Variants in SLC38A2 observed in about 807,000 individuals in gnomAD.
SLC38A2 encodes the protein sodium-coupled neutral amino acid symporter 2.
In SLC38A2, 11 loss-of-function variants were observed where a neutral mutation model predicts 61.5. That is an observed-to-expected ratio of 0.18 (90% CI 0.11 to 0.30). SLC38A2 has a LOEUF of 0.30. Ranked by LOEUF, SLC38A2 falls within the 10% of genes least tolerant of loss-of-function variation. The probability of loss-of-function intolerance (pLI) is 1.00; values close to 1 mark genes in which losing one functional copy is unlikely to be tolerated. For synonymous variants in SLC38A2, 217 were observed against 212.5 expected (o/e 1.02, Z -0.18); for missense variants, 522 against 600.4 (o/e 0.87, Z 1.36).
At chr12:46,364,298 T>G in intron 10 of SLC38A2, 91 bp downstream of exon 10, 1 of 1,313,004 alleles carries the variant, frequency 7.6e-7, no homozygotes, top group East Asian at 2.4e-5. Flanking sequence ...ATAAAGCACC[T>G]ATTATCCTCC....
At chr12:46,371,787 C>T (rs2120578768) in intron 1 of SLC38A2, among the ~76,000 whole-genome samples, 2 of 152,340 alleles carry the variant, frequency 1.3e-5, no homozygotes, top group Middle Eastern at 6.8e-3. Context: ...CTTTCCGTTT[C>T]TAGCATTTGG....
At chr12:46,363,308 T>C (rs1943103636) in intron 12 of SLC38A2, among the ~76,000 whole-genome samples, 163 bp from the exon 13 acceptor site, 1 of 152,100 alleles carries the variant, frequency 6.6e-6, no homozygotes, top group East Asian at 1.9e-4. Context: ...GCAATTAAAG[T>C]AACATTGAAG....
At chr12:46,364,797 A>C in intron 8 of SLC38A2, 95 bp from the exon 9 acceptor site, 1 of 1,249,590 alleles carries the variant, frequency 8.0e-7, no homozygotes, top group Non-Finnish European at 1.1e-6. Context: ...TCTGCTGGGA[A>C]GACTTTAGGC....
rs367799088 is a variant in SLC38A2 at position 46,367,231 on chromosome 12, T to C, written c.388+36A>G. 117 of 1,577,630 alleles carry C rather than the reference T, an allele frequency of 7.4e-5. 1 individual carries two copies. The African/African-American group carries it at 1.3e-3, about 17-fold the overall frequency. On this transcript the variant is annotated intron_variant, in intron 5 of 15. Coordinates refer to ENST00000256689, the MANE Select transcript of SLC38A2 (RefSeq NM_018976.5). Reference sequence around the variant, plus strand: ...TAAAAGAGAAATAAAATGATAGGTATACATTGTTTTAGAAAAATCAAGAAT... The same window carrying C: ...TAAAAGAGAAATAAAATGATAGGTACACATTGTTTTAGAAAAATCAAGAAT...
intron 15 of SLC38A2, 41 bp downstream of exon 15, chr12:46,362,243 T>C (rs750447826): frequency 3.5e-6 from 5 of 1,433,124 alleles, no homozygotes; most frequent in Non-Finnish European, 3.8e-6. Flanking sequence ...GGGAAATTTA[T>C]GATATTATTA....
rs971968142 is a variant in SLC38A2, at chr12:46,360,210, T to C, written c.*901A>G. On this transcript the variant is annotated 3_prime_UTR_variant, in exon 16 of 16. Coordinates refer to ENST00000256689, the MANE Select transcript of SLC38A2 (RefSeq NM_018976.5). The stretch of plus-strand genomic sequence containing the variant: ...ACTGAATAAACCCTGTTTTACCCAA[T>C]TGCACTATTTGGTACCTCAAAATTA... 6.6e-6 allele frequency: 1 copy of C among 152,648 alleles called. No individual in the cohort carries two copies. Among genetic ancestry groups the C allele is most frequent in the African/African-American group, 2.4e-5 (1 of 41,456 alleles). 9.5% of individuals were successfully genotyped at this position (152,648 alleles called of 1,614,324 possible). A position where few individuals can be genotyped will look rare whatever the true frequency, so the allele number is the denominator to read the frequency against.
intron 7 of SLC38A2, 124 bp from the exon 8 acceptor site, chr12:46,365,313 GAA>G: frequency 1.2e-6 from 1 of 810,462 alleles, no homozygotes; most frequent in South Asian, 1.5e-5. Context: ...GACATGTTTG[GAA>G]AAAGTTTCCC....
chr12:46,364,706 T>A lies in SLC38A2; in HGVS notation c.647-4A>T. 6.2e-7 allele frequency: 1 copy of A among 1,604,532 alleles called. No homozygotes were observed. The highest frequency in any genetic ancestry group is 8.5e-7 in the Non-Finnish European group (1 of 1,176,114). On this transcript the variant is annotated splice_region_variant and splice_polypyrimidine_tract_variant and intron_variant, in intron 8 of 15. Coordinates refer to ENST00000256689, the MANE Select transcript of SLC38A2 (RefSeq NM_018976.5). ...CCACTGGTATATCCCAAATATCCTA[T>A]AAGGAGGGGTGGCAGGAATCAGTAT...
At position 46,364,681 on chromosome 12, in the gene SLC38A2, C is replaced by A; in HGVS notation, c.668G>T (p.Gly223Val). The A allele has an allele frequency of 6.2e-7, 1 of 1,610,660 alleles. No individual in the cohort carries two copies. Among genetic ancestry groups the A allele is most frequent in the Non-Finnish European group, 8.5e-7 (1 of 1,178,560 alleles). The change falls in exon 9 of 16, where the codon GGC becomes GTC. Residue 223 changes from glycine to valine, a missense_variant. Physicochemically the swap from Gly to Val is moderately radical, Grantham distance 109. Transcript: ENST00000256689. The stretch of plus-strand genomic sequence containing the variant: ...GAACACCATACACAACAAGGAAAGG[C>A]CACTGGTATATCCCAAATATCCTAT... Reference protein sequence around the residue: ...RNLGYLGYTSGLSLLCMVFFL... With the variant: ...RNLGYLGYTSVLSLLCMVFFL...
Position 46,367,307 on chromosome 12 carries a change from C to G in SLC38A2, c.348G>C (p.Leu116=), listed in dbSNP as rs1487392178. The change falls in exon 5 of 16, where the codon CTG becomes CTC. Residue 116 remains leucine, a synonymous_variant. Transcript: ENST00000256689. ...ILLTFVSIFS[L]YSVHLLLKTA... is the part of the protein sequence containing the mutation. The stretch of plus-strand genomic sequence containing the variant: ...TCTTCAAAAGGAGATGAACAGAATA[C>G]AGGGAAAATATTGACACAAATGTCA... 6.2e-7 allele frequency: 1 copy of G among 1,600,544 alleles called. No individual in the cohort carries two copies. The highest frequency in any genetic ancestry group is 1.7e-5 in the Admixed American group (1 of 59,940).
intron 12 of SLC38A2, 60 bp downstream of exon 12, chr12:46,363,666 A>G: frequency 1.8e-6 from 2 of 1,113,222 alleles, no homozygotes; most frequent in East Asian, 2.4e-5. Context: ...TAGCAGCTTC[A>G]TTTCAATAAG....
intron 10 of SLC38A2, 106 bp from the exon 11 acceptor site, chr12:46,364,109 T>C (rs1390914816): frequency 8.5e-6 from 9 of 1,053,098 alleles, no homozygotes; most frequent in Non-Finnish European, 1.2e-5. Flanking sequence ...AAAGCCTAAG[T>C]TTCCTTTGTG....
At chr12:46,362,690 T>C in intron 13 of SLC38A2, 52 bp from the exon 14 acceptor site, 1 of 1,522,510 alleles carries the variant, frequency 6.6e-7, no homozygotes, top group East Asian at 2.5e-5. Context: ...AATATAAAAT[T>C]TAAAAATCCA....
intron 13 of SLC38A2, 53 bp from the exon 14 acceptor site, chr12:46,362,691 T>C: frequency 6.6e-7 from 1 of 1,519,980 alleles, no homozygotes; most frequent in Non-Finnish European, 8.7e-7. Flanking sequence ...ATATAAAATT[T>C]AAAAATCCAG....
At chr12:46,371,531 C>T (rs2120576829) in intron 1 of SLC38A2, 152 bp from the exon 2 acceptor site, 1 of 494,576 alleles carries the variant, frequency 2.0e-6, no homozygotes, top group East Asian at 3.8e-5. Flanking sequence ...CGCCGAGGGG[C>T]GGAAAAGTAC....
chr12:46,364,408 TAGTG>T lies in SLC38A2; in HGVS notation c.850_853del (p.His284IlefsTer15). 2 of 1,584,844 alleles carry T rather than the reference TAGTG, an allele frequency of 1.3e-6. No individual in the cohort carries two copies. The highest frequency in any genetic ancestry group is 1.7e-6 in the Non-Finnish European group (2 of 1,171,746). ...AGTTACCTGTGAGTTGAAAATAAAA[TAGTG>T]AGGTCTGCAAGAGTCATTTTCAGTC... On this transcript the variant is annotated frameshift_variant, in exon 10 of 16. Coordinates refer to ENST00000256689, the MANE Select transcript of SLC38A2 (RefSeq NM_018976.5). LOFTEE classifies it high-confidence loss of function.
chr12:46,368,634 G>A (rs1943163679), intron 4 of SLC38A2, among the ~76,000 whole-genome samples: 1 of 152,358 alleles, frequency 6.6e-6, no homozygotes, highest in African/African-American at 2.4e-5. Flanking sequence ...GCAGTACCAT[G>A]TAAGGTGCTG....
intron 15 of SLC38A2, among the ~76,000 whole-genome samples, chr12:46,361,546 C>T (rs1161507777): frequency 1.3e-5 from 2 of 151,940 alleles, no homozygotes; most frequent in African/African-American, 2.4e-5. Flanking sequence ...AAAATCAAAC[C>T]CAAATCATCC....
chr12:46,365,913 T>C (rs1188430289), intron 7 of SLC38A2, among the ~76,000 whole-genome samples: 1 of 152,170 alleles, frequency 6.6e-6, no homozygotes, highest in African/African-American at 2.4e-5. Flanking sequence ...TATTTTCAAA[T>C]TCTAATTGCC....
Sources: allele counts gnomAD v4.1 joint callset (sites outside exome capture counted in the v4.1 genomes callset), GRCh38; gene constraint gnomAD v4.1.1; transcripts MANE v1.5; gene names NCBI Gene and HGNC (gene_info 2026-07-23, HGNC 2026-07-21).